PLEKHG5: variants seen among roughly 807,000 people sequenced by gnomAD.
The protein encoded by PLEKHG5 is pleckstrin homology domain-containing family G member 5.
In PLEKHG5, 52 loss-of-function variants were observed where a neutral mutation model predicts 103.8. The observed-to-expected ratio is 0.50, with a 90% CI of 0.40 to 0.63. The LOEUF is 0.63. Ranked by LOEUF, PLEKHG5 falls within the 30% of genes least tolerant of loss-of-function variation. The probability of loss-of-function intolerance (pLI) is 0.00; values close to 1 mark genes in which losing one functional copy is unlikely to be tolerated. For missense variants in PLEKHG5, 1,205 were observed against 1,347.6 expected, an observed-to-expected ratio of 0.89 and a Z score of 1.66; for synonymous variants, 592 against 575.5, an observed-to-expected ratio of 1.03 and a Z score of -0.41.
chr1:6,475,267 AACCCTCCTCCCC>A (rs970122766), intron 4 of PLEKHG5, 129 bp from the exon 5 acceptor site: 11 of 480,342 alleles, frequency 2.3e-5, no homozygotes, highest in Non-Finnish European at 2.7e-5. Flanking sequence ...CCTCCTTCCC[AACCCTCCTCCCC>A]ACCCTCCCCA....
Position 6,474,458 on chromosome 1 carries a change from A to AC in PLEKHG5, c.431dup (p.Val145CysfsTer10). The AC allele has an allele frequency of 6.2e-7, 1 of 1,613,826 alleles. No homozygotes were observed. Among genetic ancestry groups the AC allele is most frequent in the Non-Finnish European group, 8.5e-7 (1 of 1,179,998 alleles). On this transcript the variant is annotated frameshift_variant, in exon 6 of 21. Transcript: ENST00000377728. LOFTEE classifies it high-confidence loss of function. ...GCCCAGGCTGCTTCTCACCTTTGAC[A>AC]CGAAGGTAGTGTCCCCCGAACCTGT...
intron 1 of PLEKHG5, among the ~76,000 whole-genome samples, chr1:6,482,798 T>C (rs1644936259): frequency 6.6e-6 from 1 of 152,208 alleles, no homozygotes; most frequent in South Asian, 2.1e-4. Context: ...AACCTCCGCC[T>C]CCTGGGTTCA....
rs538154976 is a variant in PLEKHG5, at chr1:6,478,316, C to G, written c.-87-658G>C. On this transcript the variant is annotated intron_variant, in intron 1 of 20. Transcript: ENST00000377728. ...CCTCCCGAGTAGCTTGGACTAGAAG[C>G]ACACACCACCATAGGCGAGTGTTTG... Among the ~76,000 whole-genome samples the G allele has an allele frequency of 7.2e-5, 11 of 152,316 alleles. No individual in the cohort carries two copies. The South Asian group carries it at 2.3e-3, about 32-fold the overall frequency.
chr1:6,516,820 A>G (rs1382968839), intron 1 of PLEKHG5, among the ~76,000 whole-genome samples: 5 of 144,302 alleles, frequency 3.5e-5, no homozygotes, highest in African/African-American at 7.8e-5. Flanking sequence ...GTGTATATAT[A>G]TGTGTATATA....
At chr1:6,517,027 C>T (rs912047514) in intron 1 of PLEKHG5, among the ~76,000 whole-genome samples, 1 of 150,928 alleles carries the variant, frequency 6.6e-6, no homozygotes, top group Non-Finnish European at 1.5e-5. Flanking sequence ...ACGGGTGGAT[C>T]ACTTGAGGTC....
upstream of PLEKHG5, among the ~76,000 whole-genome samples, chr1:6,496,287 G>T (rs1384829089): frequency 6.6e-6 from 1 of 152,228 alleles, no homozygotes; most frequent in East Asian, 1.9e-4. Context: ...TCTTGTAGAA[G>T]TCCCCCGACT....
intron 1 of PLEKHG5, among the ~76,000 whole-genome samples, chr1:6,478,671 T>TCTCG (rs1644824274): frequency 6.6e-6 from 1 of 152,278 alleles, no homozygotes; most frequent in East Asian, 1.9e-4. Context: ...TGAGAAGGGG[T>TCTCG]CTCGCTCTGT....
upstream of PLEKHG5, chr1:6,520,024 G>C (rs1334212442): frequency 4.8e-6 from 1 of 208,234 alleles, no homozygotes; most frequent in Admixed American, 5.3e-5. Flanking sequence ...GCTTTCCCCT[G>C]CCAGGCAGAG....
In PLEKHG5 at chr1:6,469,103, A is replaced by T. The variant is rs1224971946; in HGVS notation, c.2188T>A (p.Ser730Thr). Residue 730 changes from serine to threonine, a missense_variant, in exon 19 of 21, where the codon TCA (serine) becomes ACA (threonine). Ser to Thr is a moderately conservative substitution (Grantham distance 58, BLOSUM62 1). Transcript: ENST00000377728. ...ATGATGGTAGGGGAGCTGGCAGCTG[A>T]AGTGCCACTGTCCTCGCCTTCCTCC... ...EEEEGEDSGT[S>T]AASSPTIMRK... The T allele has an allele frequency of 6.2e-7, 1 of 1,612,724 alleles. No homozygotes were observed.
chr1:6,485,434 C>G, intron 1 of PLEKHG5: 1 of 1,290,938 alleles, frequency 7.7e-7, no homozygotes. Context: ...ACACCGGGTC[C>G]TGTCCCCATG....
At chr1:6,485,377 G>T in intron 1 of PLEKHG5, 1 of 1,412,798 alleles carries the variant, frequency 7.1e-7, no homozygotes, top group Non-Finnish European at 9.2e-7. Flanking sequence ...TCCGAGTCCC[G>T]GAGGGGCAGC....
Position 6,519,325 on chromosome 1 carries a change from C to T in PLEKHG5, c.-165+120G>A, listed in dbSNP as rs12045180. Reference sequence around the variant, plus strand: ...TCCAGCCTGCAAGTGGCTCTTAAACCGTCCGGACTAATTCAGTGAGTGTGA... The same window carrying T: ...TCCAGCCTGCAAGTGGCTCTTAAACTGTCCGGACTAATTCAGTGAGTGTGA... On this transcript the variant is annotated intron_variant, in intron 1 of 21. Transcript: ENST00000377740. The T allele has an allele frequency of 2.1e-3, 1,760 of 818,692 alleles. 31 individuals are homozygous for T. The highest frequency in any genetic ancestry group is 0.02 in the East Asian group (830 of 41,014). 50.7% of individuals were successfully genotyped at this position (818,692 alleles called of 1,614,324 possible).
upstream of PLEKHG5, chr1:6,496,502 C>T: frequency 6.2e-7 from 1 of 1,604,138 alleles, no homozygotes; most frequent in Non-Finnish European, 8.5e-7. Context: ...CCTTGGCCGC[C>T]CGCCCCTTGT....
intron 1 of PLEKHG5, among the ~76,000 whole-genome samples, chr1:6,484,334 G>C (rs1358885809): frequency 6.6e-6 from 1 of 152,144 alleles, no homozygotes; most frequent in Non-Finnish European, 1.5e-5. Flanking sequence ...CCAGGGGCTG[G>C]TGCCCAGGCC....
In PLEKHG5 at chr1:6,487,116, TTTTG is replaced by T. The variant is rs1009099225; in HGVS notation, c.-88+4517_-88+4520del. 1.3e-4 allele frequency among the ~76,000 whole-genome samples: 20 copies of T among 152,278 alleles called. No homozygotes were observed. Among genetic ancestry groups the T allele is most frequent in the East Asian group, 7.7e-4 (4 of 5,188 alleles). ...CCACAGGCAGAGTTGTGTTTTTGTT[TTTTG>T]TTTGTTTGTTTTTGAGACGGAATCT... On this transcript the variant is annotated intron_variant, in intron 1 of 20. Coordinates refer to ENST00000377728, the MANE Select transcript of PLEKHG5 (RefSeq NM_020631.6). This position sits in a 1 kb window ranked among gnomAD's most constrained non-coding sequence, Gnocchi z 4.1.
chr1:6,495,396 G>C (rs1166297161), upstream of PLEKHG5, among the ~76,000 whole-genome samples: 1 of 152,178 alleles, frequency 6.6e-6, no homozygotes, highest in Non-Finnish European at 1.5e-5. Context: ...GAGTGTGTGT[G>C]TGTCTGGGTG....
At chr1:6,501,601 G>A (rs1645297589), upstream of PLEKHG5, among the ~76,000 whole-genome samples, 1 of 152,152 alleles carries the variant, frequency 6.6e-6, no homozygotes, top group African/African-American at 2.4e-5. This position sits in a 1 kb window ranked among gnomAD's most constrained non-coding sequence, Gnocchi z 4.3. Context: ...CTGTGTAGAG[G>A]AATGATCATT....
upstream of PLEKHG5, chr1:6,496,913 G>T (rs546248109): frequency 1.0e-5 from 15 of 1,460,440 alleles, no homozygotes; most frequent in East Asian, 2.7e-5. Flanking sequence ...CGGCAGGGCT[G>T]CTGGGGGGAA....
At chr1:6,503,802 G>C (rs1401508589) in intron 1 of PLEKHG5, among the ~76,000 whole-genome samples, 1 of 152,204 alleles carries the variant, frequency 6.6e-6, no homozygotes, top group Non-Finnish European at 1.5e-5. Flanking sequence ...AGGGGCCCCA[G>C]AGCTGTGAAA....
Sources: allele counts gnomAD v4.1 joint callset (sites outside exome capture counted in the v4.1 genomes callset), GRCh38; gene constraint gnomAD v4.1.1; non-coding constraint Gnocchi (gnomAD v3.1); transcripts MANE v1.5; gene names NCBI Gene and HGNC (gene_info 2026-07-23, HGNC 2026-07-21).